The following KIF26B variants were observed in gnomAD, a reference collection of about 807,000 sequenced individuals.
KIF26B encodes kinesin family member 26B, also known as kinesin-like protein KIF26B.
Under a neutral mutation model 151.2 loss-of-function variants are expected in KIF26B, and 63 were observed. The observed-to-expected ratio is 0.42, with a 90% CI of 0.34 to 0.51. KIF26B has a LOEUF of 0.51. Among genes scored for constraint, KIF26B ranks in the 20% least tolerant of loss-of-function variants. The probability of loss-of-function intolerance (pLI) is 0.07; values close to 1 mark genes in which losing one functional copy is unlikely to be tolerated. For synonymous variants in KIF26B, 1,357 were observed against 1,262.1 expected (o/e 1.08, Z -1.59); for missense variants, 2,813 against 2,913.6 (o/e 0.97, Z 0.79).
At chr1:245,630,500 C>T (rs1479048193) in intron 9 of KIF26B, among the ~76,000 whole-genome samples, 1 of 152,164 alleles carries the variant, frequency 6.6e-6, no homozygotes, top group Admixed American at 6.5e-5. Flanking sequence ...CCAAACACCA[C>T]ACGTTGTCAC....
At chr1:245,653,471 C>T (rs2044041077) in intron 10 of KIF26B, among the ~76,000 whole-genome samples, 1 of 152,112 alleles carries the variant, frequency 6.6e-6, no homozygotes, top group Non-Finnish European at 1.5e-5. Flanking sequence ...TCTCACTGTG[C>T]CTCACAAGCT....
Position 245,321,736 on chromosome 1 carries a change from C to T in KIF26B, c.466-45098C>T, listed in dbSNP as rs114576447. On this transcript the variant is annotated intron_variant, in intron 2 of 14. Coordinates refer to ENST00000407071, the MANE Select transcript of KIF26B (RefSeq NM_018012.4). ...CCATTTGAGATGCTGCTGATTGAGC[C>T]GCAATTGGCCAGTGCTCTAAAACCG... 3.6e-3 allele frequency among the ~76,000 whole-genome samples: 545 copies of T among 152,288 alleles called. 3 individuals carry two copies. The highest frequency in any genetic ancestry group is 0.012 in the African/African-American group (517 of 41,558).
At chr1:245,533,358 C>T (rs1661417328) in intron 4 of KIF26B, among the ~76,000 whole-genome samples, 1 of 152,108 alleles carries the variant, frequency 6.6e-6, no homozygotes, top group South Asian at 2.1e-4. Context: ...CACAGTTTTT[C>T]AGTTGATATC....
intron 2 of KIF26B, among the ~76,000 whole-genome samples, chr1:245,248,048 G>T (rs77514988): frequency 6.6e-6 from 1 of 151,996 alleles, no homozygotes; most frequent in Non-Finnish European, 1.5e-5. Context: ...CAACACGGCC[G>T]TGCACATCCA....
chr1:245,181,397 G>A (rs1320130647), intron 2 of KIF26B, among the ~76,000 whole-genome samples: 1 of 152,054 alleles, frequency 6.6e-6, no homozygotes, highest in Non-Finnish European at 1.5e-5. Context: ...GATTAGCACG[G>A]ATGCCAATTT....
chr1:245,674,663 A>C (rs188482723), intron 10 of KIF26B, among the ~76,000 whole-genome samples: 1 of 152,346 alleles, frequency 6.6e-6, no homozygotes, highest in African/African-American at 2.4e-5. Flanking sequence ...ACTCCTGATT[A>C]TGCTACATTG....
In KIF26B at chr1:245,170,479, A is replaced by G. The variant is rs575111902; in HGVS notation, c.465+13796A>G. ...CTTATCAGAACCAAACATAGAGGGC[A>G]AATGTCTTAGCCAATTCATGCTGCT... On this transcript the variant is annotated intron_variant, in intron 2 of 14. Transcript: ENST00000407071. The surrounding 1 kb of genome is among the most constrained non-coding windows in gnomAD (Gnocchi z 4.4). Among the ~76,000 whole-genome samples the G allele has an allele frequency of 8.6e-4, 131 of 152,322 alleles. No individual in the cohort carries two copies. Among genetic ancestry groups the G allele is most frequent in the Non-Finnish European group, 1.5e-3 (103 of 68,032 alleles).
chr1:245,621,107 A>C (rs2043653941), intron 9 of KIF26B, among the ~76,000 whole-genome samples: 1 of 152,178 alleles, frequency 6.6e-6, no homozygotes, highest in Non-Finnish European at 1.5e-5. Flanking sequence ...CCTCCAGCCC[A>C]ATTAAATTAG....
chr1:245,611,374 A>G (rs958844857), intron 8 of KIF26B, among the ~76,000 whole-genome samples: 4 of 152,086 alleles, frequency 2.6e-5, no homozygotes, highest in Non-Finnish European at 2.9e-5. Context: ...TTTGCAACCT[A>G]CCTGTCTCCA....
At chr1:245,296,463 C>G (rs1319978091) in intron 2 of KIF26B, among the ~76,000 whole-genome samples, 2 of 151,898 alleles carry the variant, frequency 1.3e-5, no homozygotes, top group Non-Finnish European at 2.9e-5. Flanking sequence ...ATATAAGGGC[C>G]CCGACACAGG....
intron 2 of KIF26B, among the ~76,000 whole-genome samples, chr1:245,205,253 G>A (rs112233806): frequency 4.6e-5 from 7 of 152,250 alleles, no homozygotes; most frequent in African/African-American, 1.4e-4. Context: ...TAAAAAGACC[G>A]TTAGTGTAGT....
intron 2 of KIF26B, among the ~76,000 whole-genome samples, chr1:245,229,077 A>G (rs1055171333): frequency 2.0e-5 from 3 of 152,068 alleles, no homozygotes; most frequent in Non-Finnish European, 4.4e-5. Flanking sequence ...AGCGATTCAC[A>G]TGTCTCAGCC....
chr1:245,283,440 T>C (rs1389371625), intron 2 of KIF26B, among the ~76,000 whole-genome samples: 1 of 152,276 alleles, frequency 6.6e-6, no homozygotes, highest in East Asian at 1.9e-4. Context: ...TTTTTTCTTT[T>C]TACCCTCTTG....
chr1:245,522,025 A>C (rs1023310433), intron 4 of KIF26B, among the ~76,000 whole-genome samples: 1 of 151,524 alleles, frequency 6.6e-6, no homozygotes, highest in Non-Finnish European at 1.5e-5. Context: ...ACCCGCCACC[A>C]TGCCCGGCTA....
At position 245,685,524 on chromosome 1, in the gene KIF26B, C is replaced by A. The variant is rs776422030; in HGVS notation, c.2541C>A (p.His847Gln). 5 of 1,613,770 alleles carry A rather than the reference C, an allele frequency of 3.1e-6. No individual in the cohort carries two copies. Among genetic ancestry groups the A allele is most frequent in the Non-Finnish European group, 3.4e-6 (4 of 1,179,806 alleles). Residue 847 changes from histidine to glutamine, a missense_variant, in exon 12 of 15, where the codon CAC becomes CAA. Around this residue, in one of 3 missense-constraint regions of KIF26B, gnomAD observed 2,060 missense variants for 2,088.6 expected, o/e 0.99. Transcript: ENST00000407071. Reference sequence around the variant, plus strand: ...TGGACCCTGACTTCCCCATCGCTCACCTGTCCAGCGACCCCGACTACTCCT... The same window carrying A: ...TGGACCCTGACTTCCCCATCGCTCAACTGTCCAGCGACCCCGACTACTCCT... The part of the protein sequence containing the change: ...ATVDPDFPIA[H>Q]LSSDPDYSSS...
Position 245,619,927 on chromosome 1 carries a change from A to C in KIF26B, c.2098+7951A>C, listed in dbSNP as rs758609323. Among the ~76,000 whole-genome samples the C allele has an allele frequency of 2.6e-5, 4 of 151,868 alleles. No homozygotes were observed. In the South Asian group the frequency reaches 8.3e-4, roughly 32 times the overall value. ...GACTCCATCTCAAAAACAAAAAATG[A>C]AAAATAAAATAAAAATTAATCTCTG... On this transcript the variant is annotated intron_variant, in intron 9 of 14. Coordinates refer to ENST00000407071, the MANE Select transcript of KIF26B (RefSeq NM_018012.4).
At chr1:245,700,910 C>T (rs528372586) in intron 14 of KIF26B, among the ~76,000 whole-genome samples, 3 of 152,344 alleles carry the variant, frequency 2.0e-5, no homozygotes, top group Admixed American at 6.5e-5. Context: ...CTTCAAGATC[C>T]CAGGGGCCTC....
intron 4 of KIF26B, among the ~76,000 whole-genome samples, chr1:245,519,492 T>C (rs796657284): frequency 8.6e-5 from 13 of 151,546 alleles, no homozygotes; most frequent in African/African-American, 2.7e-4. Context: ...AGGCAGAGGC[T>C]GCAGTGAGTC....
rs148161149 is a variant in KIF26B at position 245,700,200 on chromosome 1, C to G, written c.6178+1163C>G. 9.0e-4 allele frequency among the ~76,000 whole-genome samples: 137 copies of G among 152,276 alleles called. 1 individual carries two copies. Among genetic ancestry groups the G allele is most frequent in the African/African-American group, 3.2e-3 (132 of 41,552 alleles). ...TTCTCACATACTAGCTGTGGGACCT[C>G]AGGTAAGACACTTAACTCTGAGCCT... On this transcript the variant is annotated intron_variant, in intron 14 of 14. Coordinates refer to ENST00000407071, the MANE Select transcript of KIF26B (RefSeq NM_018012.4).
Sources: gnomAD v4.1 joint callset for allele counts (sites outside exome capture counted in the v4.1 genomes callset) on GRCh38, gnomAD v4.1.1 for gene constraint, gnomAD v4.1.1 regional missense constraint, Gnocchi (gnomAD v3.1) non-coding constraint, MANE v1.5 for transcripts, NCBI Gene and HGNC (gene_info 2026-07-23, HGNC 2026-07-21) for gene names.